Variants in NAA16 observed in about 807,000 individuals in gnomAD.
NAA16 encodes the protein N-alpha-acetyltransferase 16, NatA auxiliary subunit, also known as NARG1-like protein.
In NAA16, 97 loss-of-function variants were observed where a neutral mutation model predicts 110.3. That is an observed-to-expected ratio of 0.88 (90% CI 0.75 to 1.04). The LOEUF is 1.04. Ranked by LOEUF, NAA16 falls within the 50% of genes least tolerant of loss-of-function variation. The probability of loss-of-function intolerance (pLI) is 0.00; values close to 1 mark genes in which losing one functional copy is unlikely to be tolerated. For synonymous variants in NAA16, 372 were observed against 330.6 expected (o/e 1.13, Z -1.36); for missense variants, 1,017 against 1,005.1 (o/e 1.01, Z -0.16).
In NAA16 at chr13:41,372,843, AAG is replaced by A. The variant is rs1392215645; in HGVS notation, c.2155+14_2155+15del. The stretch of plus-strand genomic sequence containing the variant: ...TTTTCTAAATCTGGTAAGTATAAAA[AAG>A]GACCATATTTACATTTGTGAATTAT... On this transcript the variant is annotated intron_variant, in intron 17 of 19. Coordinates refer to ENST00000379406, the MANE Select transcript of NAA16 (RefSeq NM_024561.5). 1 of 1,528,100 alleles carries A rather than the reference AAG, an allele frequency of 6.5e-7. No homozygotes were observed. The highest frequency in any genetic ancestry group is 1.3e-5 in the South Asian group (1 of 78,422). 94.7% of individuals were successfully genotyped at this position (1,528,100 alleles called of 1,614,324 possible).
chr13:41,329,542 A>G (rs1445369075), intron 7 of NAA16, among the ~76,000 whole-genome samples: 2 of 151,338 alleles, frequency 1.3e-5, no homozygotes, highest in African/African-American at 4.8e-5. Context: ...TTAAATTTAA[A>G]AAGTTTGGTA....
rs938950451 is a variant in NAA16 at position 41,338,664 on chromosome 13, C to A, written c.1014+1908C>A. Among the ~76,000 whole-genome samples the A allele has an allele frequency of 2.6e-5, 4 of 152,134 alleles. No individual in the cohort carries two copies. In the South Asian group the frequency reaches 8.3e-4, roughly 32 times the overall value. ...CTCAAATAATTTTGGCCACATGTAT[C>A]TGTGATTTACTCATGAGACCATTTT... is the stretch of plus-strand genomic sequence containing the variant. On this transcript the variant is annotated intron_variant, in intron 9 of 19. Coordinates refer to ENST00000379406, the MANE Select transcript of NAA16 (RefSeq NM_024561.5).
chr13:41,372,945 A>C, intron 17 of NAA16, 115 bp downstream of exon 17: 1 of 1,203,880 alleles, frequency 8.3e-7, no homozygotes, highest in South Asian at 3.0e-5. Context: ...TGAAGTAAAA[A>C]GCCCTGATTT....
chr13:41,375,384 G>A (rs1281606819), intron 19 of NAA16, 21 bp from the exon 20 acceptor site: 1 of 1,566,736 alleles, frequency 6.4e-7, no homozygotes, highest in Non-Finnish European at 8.7e-7. Context: ...AATAATTTGT[G>A]TTTTCCTTTT....
intron 8 of NAA16, among the ~76,000 whole-genome samples, chr13:41,331,686 T>C (rs2042242772): frequency 6.6e-6 from 1 of 152,026 alleles, no homozygotes; most frequent in South Asian, 2.1e-4. Flanking sequence ...GGTTAATGGG[T>C]ACAAACATAC....
chr13:41,369,223 TGAA>T lies in NAA16; in HGVS notation c.1901_1903del (p.Glu634del), dbSNP rs755218080. On this transcript the variant is annotated inframe_deletion, in exon 15 of 20. Coordinates refer to ENST00000379406, the MANE Select transcript of NAA16 (RefSeq NM_024561.5). ...AGAAAAATCAAAAGAAAAAAAGAGA[TGAA>T]GAAGAAGAAGAAGCCAGTGGCCTTA... The T allele has an allele frequency of 1.2e-4, 187 of 1,593,108 alleles. No individual in the cohort carries two copies. The highest frequency in any genetic ancestry group is 9.0e-4 in the Admixed American group (50 of 55,668).
chr13:41,347,234 CAA>C (rs1566276607), intron 9 of NAA16, among the ~76,000 whole-genome samples: 5 of 29,192 alleles, frequency 1.7e-4, no homozygotes, highest in Non-Finnish European at 1.1e-3. Flanking sequence ...AAAACAAAAA[CAA>C]AAACAAAAAA....
At chr13:41,315,184 A>G (rs2041775590) in intron 1 of NAA16, among the ~76,000 whole-genome samples, 1 of 152,204 alleles carries the variant, frequency 6.6e-6, no homozygotes, top group African/African-American at 2.4e-5. Context: ...AAAGTGGGCA[A>G]GTAGGGGACA....
intron 19 of NAA16, 88 bp downstream of exon 19, chr13:41,374,927 G>T: frequency 2.7e-6 from 2 of 747,502 alleles, no homozygotes; most frequent in Non-Finnish European, 4.5e-6. Flanking sequence ...TAGGCCTTCA[G>T]AATTATGCCT....
At chr13:41,369,867 G>T (rs2043282438) in intron 15 of NAA16, among the ~76,000 whole-genome samples, 1 of 152,168 alleles carries the variant, frequency 6.6e-6, no homozygotes, top group African/African-American at 2.4e-5. Flanking sequence ...TTGATTGTAA[G>T]CCCAGTGAGA....
chr13:41,369,816 C>G (rs998982617), intron 15 of NAA16, among the ~76,000 whole-genome samples: 1 of 152,110 alleles, frequency 6.6e-6, no homozygotes, highest in Non-Finnish European at 1.5e-5. Context: ...GAACGGATTC[C>G]CCCTTCGAAT....
At chr13:41,333,520 C>T (rs2042296178) in intron 8 of NAA16, among the ~76,000 whole-genome samples, 1 of 152,032 alleles carries the variant, frequency 6.6e-6, no homozygotes, top group South Asian at 2.1e-4. Context: ...TGGAATCATA[C>T]CATATGTGGT....
intron 7 of NAA16, 102 bp from the exon 8 acceptor site, chr13:41,331,172 T>C (rs1056026666): frequency 1.5e-6 from 1 of 666,102 alleles, no homozygotes; most frequent in African/African-American, 1.8e-5. Flanking sequence ...TTAATATTGT[T>C]AATGCAGTTT....
chr13:41,331,848 A>C (rs1036044714), intron 8 of NAA16, among the ~76,000 whole-genome samples: 2 of 152,180 alleles, frequency 1.3e-5, no homozygotes, highest in Admixed American at 1.3e-4. Context: ...AGGTACCCTA[A>C]ATACCCTGAC....
chr13:41,341,639 C>G (rs2042549282), intron 9 of NAA16, among the ~76,000 whole-genome samples: 1 of 152,160 alleles, frequency 6.6e-6, no homozygotes, highest in Non-Finnish European at 1.5e-5. Context: ...ATCTCTTGAG[C>G]TTTGGAGGTC....
intron 5 of NAA16, among the ~76,000 whole-genome samples, chr13:41,325,399 A>G (rs570274686): frequency 6.6e-6 from 1 of 151,034 alleles, no homozygotes; most frequent in Non-Finnish European, 1.5e-5. Context: ...TTTGGTAAAC[A>G]CTTTTATTAA....
At chr13:41,337,772 ATTTAT>A (rs982523387) in intron 9 of NAA16, among the ~76,000 whole-genome samples, 21 of 152,286 alleles carry the variant, frequency 1.4e-4, no homozygotes, top group Admixed American at 1.4e-3. Context: ...CTTCTGTCAT[ATTTAT>A]TTAGCTTTGA....
intron 8 of NAA16, among the ~76,000 whole-genome samples, chr13:41,335,756 T>G (rs1325203142): frequency 6.6e-6 from 1 of 152,214 alleles, no homozygotes; most frequent in East Asian, 1.9e-4. Flanking sequence ...ATAACCATTT[T>G]GGGTTGTTAG....
intron 14 of NAA16, among the ~76,000 whole-genome samples, chr13:41,368,668 T>C (rs551586616): frequency 8.5e-5 from 13 of 152,240 alleles, no homozygotes; most frequent in Non-Finnish European, 1.5e-4. Context: ...TAAATATGTT[T>C]TTTTAAATTG....
Sources: gnomAD v4.1 joint callset for allele counts (sites outside exome capture counted in the v4.1 genomes callset) on GRCh38, gnomAD v4.1.1 for gene constraint, MANE v1.5 for transcripts, NCBI Gene and HGNC (gene_info 2026-07-23, HGNC 2026-07-21) for gene names.